CCDC150: variants seen among roughly 807,000 people sequenced by gnomAD.
CCDC150 encodes the protein coiled-coil domain containing 150.
In CCDC150, 151 loss-of-function variants were observed where a neutral mutation model predicts 156.5. That is an observed-to-expected ratio of 0.97 (90% CI 0.85 to 1.10). CCDC150 has a LOEUF of 1.10. CCDC150 is among the 50% of genes least tolerant of loss of function. The probability of loss-of-function intolerance (pLI) is 0.00; values close to 1 mark genes in which losing one functional copy is unlikely to be tolerated. For synonymous variants in CCDC150, 452 were observed against 429.4 expected (o/e 1.05, Z -0.65); for missense variants, 1,312 against 1,268.1 (o/e 1.03, Z -0.53).
At chr2:196,688,032 A>G (rs1156876283) in intron 13 of CCDC150, among the ~76,000 whole-genome samples, 2 of 152,174 alleles carry the variant, frequency 1.3e-5, no homozygotes, top group Non-Finnish European at 2.9e-5. Flanking sequence ...GAAGTTGAGT[A>G]GCATGGTACC....
intron 15 of CCDC150, among the ~76,000 whole-genome samples, chr2:196,702,158 A>AG (rs1696255216): frequency 6.6e-6 from 1 of 152,124 alleles, no homozygotes; most frequent in African/African-American, 2.4e-5. Flanking sequence ...CCCAAGTGGG[A>AG]GGATCACTTG....
intron 15 of CCDC150, 104 bp from the exon 16 acceptor site, chr2:196,712,038 ACTC>A: frequency 2.7e-6 from 1 of 373,444 alleles, no homozygotes; most frequent in Non-Finnish European, 4.7e-6. Flanking sequence ...TTTTTTTACA[ACTC>A]ATGACCCTTT....
intron 13 of CCDC150, among the ~76,000 whole-genome samples, chr2:196,688,504 A>T (rs576864426): frequency 1.3e-5 from 2 of 152,262 alleles, no homozygotes; most frequent in South Asian, 4.1e-4. Context: ...GGGCTGAGGC[A>T]ATAGGGTTTT....
intron 1 of CCDC150, among the ~76,000 whole-genome samples, chr2:196,644,830 A>G (rs930775933): frequency 6.6e-6 from 1 of 152,074 alleles, no homozygotes; most frequent in African/African-American, 2.4e-5. Context: ...AAAAAGAAAA[A>G]TAGGCTGGGC....
intron 26 of CCDC150, among the ~76,000 whole-genome samples, 199 bp from the exon 27 acceptor site, chr2:196,731,834 T>C (rs1012191094): frequency 6.6e-6 from 1 of 152,232 alleles, no homozygotes; most frequent in African/African-American, 2.4e-5. Context: ...GCAGCAAGTC[T>C]GCATGCATTC....
At chr2:196,672,273 A>G in intron 8 of CCDC150, 72 bp from the exon 9 acceptor site, 1 of 654,640 alleles carries the variant, frequency 1.5e-6, no homozygotes, top group Non-Finnish European at 2.4e-6. Context: ...CGAAATACAA[A>G]ACAGTTATTT....
chr2:196,721,361 T>TATATATATACACACACATATATAC (rs146765179), intron 20 of CCDC150, among the ~76,000 whole-genome samples, 161 bp from the exon 21 acceptor site: 1 of 49,814 alleles, frequency 2.0e-5, no homozygotes, highest in Admixed American at 2.9e-4. Context: ...TGCATATATA[T>TATATATATACACACACATATATAC]ATATATATTT....
chr2:196,658,688 T>G, intron 4 of CCDC150, 104 bp from the exon 5 acceptor site: 1 of 718,638 alleles, frequency 1.4e-6, no homozygotes, highest in Non-Finnish European at 2.4e-6. Context: ...AAAAATAGCA[T>G]TTATAGGTTG....
intron 5 of CCDC150, among the ~76,000 whole-genome samples, chr2:196,661,206 G>A (rs992702974): frequency 1.3e-5 from 2 of 152,202 alleles, no homozygotes; most frequent in Admixed American, 1.3e-4. Context: ...GGCATTCTGA[G>A]GGTATGTGAA....
chr2:196,726,802 T>TAG (rs946274633), intron 22 of CCDC150: 1 of 152,148 alleles, frequency 6.6e-6, no homozygotes, highest in African/African-American at 2.4e-5. Flanking sequence ...TGGAAAATGT[T>TAG]AGAGAGAGAG....
At position 196,726,026 on chromosome 2, in the gene CCDC150, T is replaced by G; in HGVS notation, c.2483T>G (p.Ile828Arg). The G allele has an allele frequency of 6.2e-7, 1 of 1,609,948 alleles. No homozygotes were observed. The highest frequency in any genetic ancestry group is 8.5e-7 in the Non-Finnish European group (1 of 1,178,058). ...KVEAELHAER[I>R]EALRKQFQTE... The stretch of plus-strand genomic sequence containing the variant: ...GAAGCAGAATTGCATGCTGAACGCA[T>G]AGAAGCTCTAAGAAAGCAGTTTCAA... The change falls in exon 22 of 28, where the codon ATA (isoleucine) becomes AGA (arginine). Residue 828 changes from isoleucine (I) to arginine (R), a missense_variant. Transcript: ENST00000389175.
intron 13 of CCDC150, among the ~76,000 whole-genome samples, chr2:196,683,342 A>G (rs912933616): frequency 6.6e-6 from 1 of 152,062 alleles, no homozygotes; most frequent in Non-Finnish European, 1.5e-5. Flanking sequence ...ATGGAAAACT[A>G]AGCTTGCATT....
chr2:196,686,506 T>C (rs118028210), intron 13 of CCDC150, among the ~76,000 whole-genome samples: 1 of 152,326 alleles, frequency 6.6e-6, no homozygotes, highest in East Asian at 1.9e-4. Flanking sequence ...CTCAGCAATA[T>C]TGAATCTTCT....
intron 1 of CCDC150, among the ~76,000 whole-genome samples, chr2:196,644,985 A>G (rs1028822790): frequency 5.3e-5 from 8 of 149,846 alleles, no homozygotes; most frequent in African/African-American, 2.0e-4. Context: ...TTAGCCGGGC[A>G]TGGTGGCACA....
intron 14 of CCDC150, among the ~76,000 whole-genome samples, chr2:196,698,840 C>T (rs140411746): frequency 1.8e-4 from 28 of 152,190 alleles, no homozygotes; most frequent in Admixed American, 1.4e-3. Flanking sequence ...TCCCTCCCCC[C>T]TCTCCCCACC....
At position 196,656,846 on chromosome 2, in the gene CCDC150, G is replaced by C. The variant is rs1002111923; in HGVS notation, c.390G>C (p.Gln130His). 3.1e-6 allele frequency: 5 copies of C among 1,613,634 alleles called. No homozygotes were observed. In the African/African-American group the frequency reaches 6.7e-5, roughly 22 times the overall value. The part of the protein sequence containing the change: ...RLQTEKDLNP[Q>H]KTAFLKDRLN... ...AAACTGAAAAGGATTTGAATCCTCA[G>C]AAAACAGGTATAGAGATAAGAATCA... is the stretch of plus-strand genomic sequence containing the variant. The change falls in exon 3 of 28, where the codon CAG (glutamine) becomes CAC (histidine). Residue 130 changes from glutamine (Q) to histidine (H), a missense_variant. Physicochemically the swap from Gln to His is conservative, Grantham distance 24. Transcript: ENST00000389175.
intron 7 of CCDC150, among the ~76,000 whole-genome samples, chr2:196,668,203 CAG>C (rs1056764554): frequency 2.8e-5 from 4 of 145,352 alleles, no homozygotes; most frequent in Admixed American, 2.1e-4. Flanking sequence ...GAGGCTGAAA[CAG>C]AGAATCGCTT....
intron 15 of CCDC150, 40 bp downstream of exon 15, chr2:196,701,220 A>G (rs1696182749): frequency 1.5e-6 from 2 of 1,295,876 alleles, no homozygotes; most frequent in Non-Finnish European, 2.2e-6. Flanking sequence ...TTTGAATTTT[A>G]AAAATACCAA....
intron 5 of CCDC150, among the ~76,000 whole-genome samples, chr2:196,663,130 T>G (rs531831246): frequency 1.3e-5 from 2 of 152,180 alleles, no homozygotes; most frequent in Non-Finnish European, 2.9e-5. Flanking sequence ...TACCAGGTAC[T>G]CAGGAGGCTG....
Sources: gnomAD v4.1 joint callset for allele counts (sites outside exome capture counted in the v4.1 genomes callset) on GRCh38, gnomAD v4.1.1 for gene constraint, MANE v1.5 for transcripts, NCBI Gene and HGNC (gene_info 2026-07-23, HGNC 2026-07-21) for gene names.